MAP2K3: variants seen among roughly 807,000 people sequenced by gnomAD.
MAP2K3 encodes the protein mitogen-activated protein kinase kinase 3.
MAP2K3 carries 30 observed loss-of-function variants against 46.4 expected under a neutral mutation model. That is an observed-to-expected ratio of 0.65 (90% CI 0.48 to 0.88). The LOEUF (loss-of-function observed/expected upper bound fraction) is 0.88, where lower values mean the gene tolerates loss of function less well. Ranked by LOEUF, MAP2K3 falls within the 40% of genes least tolerant of loss-of-function variation. MAP2K3 has a pLI of 0.00. For synonymous variants in MAP2K3, 189 were observed against 176.3 expected, an observed-to-expected ratio of 1.07 and a Z score of -0.57; for missense variants, 380 against 464.5, an observed-to-expected ratio of 0.82 and a Z score of 1.67.
intron 1 of MAP2K3, among the ~76,000 whole-genome samples, chr17:21,290,722 G>A (rs1402910290): frequency 6.6e-6 from 1 of 152,312 alleles, no homozygotes; most frequent in Non-Finnish European, 1.5e-5. Context: ...GGCCGAGACA[G>A]GAGGATCATT....
intron 1 of MAP2K3, among the ~76,000 whole-genome samples, chr17:21,297,714 GGT>G (rs1299845652): frequency 8.9e-5 from 3 of 33,648 alleles, no homozygotes; most frequent in African/African-American, 3.4e-4. Context: ...CAGCCTGAGA[GGT>G]GTGGACACTG....
chr17:21,294,660 C>T (rs1976138960), intron 1 of MAP2K3, among the ~76,000 whole-genome samples: 1 of 152,312 alleles, frequency 6.6e-6, no homozygotes, highest in Non-Finnish European at 1.5e-5. Context: ...AAGTGAACCT[C>T]CCCTACTCCC....
At chr17:21,298,765 C>A in intron 2 of MAP2K3, 113 bp from the exon 3 acceptor site, 3 of 1,516,930 alleles carry the variant, frequency 2.0e-6, no homozygotes, top group Admixed American at 1.7e-5. Context: ...AAGGCGCCTC[C>A]GGGGCAGGAG....
chr17:21,291,634 A>G (rs1306766789), intron 1 of MAP2K3: 5 of 455,480 alleles, frequency 1.1e-5, no homozygotes, highest in African/African-American at 6.0e-5. Flanking sequence ...AAGCCTGAGC[A>G]TGGGGCCTGC....
chr17:21,292,824 C>T (rs1172371671), intron 1 of MAP2K3, among the ~76,000 whole-genome samples: 1 of 152,310 alleles, frequency 6.6e-6, no homozygotes, highest in East Asian at 1.9e-4. Context: ...TGTACTCCTG[C>T]TGCTCTTGGC....
intron 1 of MAP2K3, among the ~76,000 whole-genome samples, chr17:21,297,658 C>T (rs539887831): frequency 2.9e-3 from 438 of 152,220 alleles, no homozygotes; most frequent in African/African-American, 9.0e-3. Flanking sequence ...GCTGACCCTC[C>T]GTTAGTACCA....
chr17:21,292,512 A>C (rs1479674342), intron 1 of MAP2K3, among the ~76,000 whole-genome samples: 2 of 152,282 alleles, frequency 1.3e-5, no homozygotes, highest in African/African-American at 4.8e-5. Flanking sequence ...ACGCACCACC[A>C]CGCCCACTAC....
At chr17:21,303,099 A>C (rs1976696432) in intron 6 of MAP2K3, 84 bp from the exon 7 acceptor site, 1 of 1,567,086 alleles carries the variant, frequency 6.4e-7, no homozygotes, top group Non-Finnish European at 8.7e-7. Flanking sequence ...GTGGACATGG[A>C]TGGGGTCTTA....
At chr17:21,307,199 A>AC (rs1976931742) in intron 9 of MAP2K3, among the ~76,000 whole-genome samples, 1 of 152,210 alleles carries the variant, frequency 6.6e-6, no homozygotes, top group Non-Finnish European at 1.5e-5. Flanking sequence ...GAGCAGCCCC[A>AC]TCTGAGGCTG....
At chr17:21,298,722 T>C (rs893457965) in intron 2 of MAP2K3, among the ~76,000 whole-genome samples, 156 bp from the exon 3 acceptor site, 36 of 152,406 alleles carry the variant, frequency 2.4e-4, no homozygotes, top group Non-Finnish European at 2.8e-4. Flanking sequence ...TCAGTGTAGA[T>C]GCTCAGCAGC....
intron 11 of MAP2K3, chr17:21,313,822 T>G (rs1977282099): frequency 1.7e-6 from 1 of 573,472 alleles, no homozygotes; most frequent in South Asian, 2.1e-5. Context: ...GGAGGTACCA[T>G]TTGAACTGAG....
At chr17:21,304,107 A>G (rs1407767430) in intron 7 of MAP2K3, among the ~76,000 whole-genome samples, 2 of 152,424 alleles carry the variant, frequency 1.3e-5, no homozygotes, top group Admixed American at 6.5e-5. Flanking sequence ...ACTGGACCTC[A>G]TGTCTGGAGG....
intron 6 of MAP2K3, 127 bp from the exon 7 acceptor site, chr17:21,303,056 G>A (rs1379648385): frequency 2.4e-6 from 3 of 1,236,644 alleles, no homozygotes; most frequent in Admixed American, 2.0e-5. Context: ...GGATGAGAGG[G>A]TGCGTAGCCT....
At chr17:21,303,701 A>G (rs1195883320) in intron 7 of MAP2K3, among the ~76,000 whole-genome samples, 2 of 152,312 alleles carry the variant, frequency 1.3e-5, no homozygotes, top group Non-Finnish European at 2.9e-5. Flanking sequence ...GCCTCGCTTG[A>G]TGTTTCTGGA....
intron 1 of MAP2K3, among the ~76,000 whole-genome samples, chr17:21,296,554 C>T (rs974262197): frequency 2.0e-5 from 3 of 152,310 alleles, no homozygotes; most frequent in Non-Finnish European, 2.9e-5. Context: ...CTGTTGGGGT[C>T]TGCGAGTCAA....
Position 21,314,430 on chromosome 17 carries a change from G to A in MAP2K3, c.*200G>A. 1 of 583,828 alleles carries A rather than the reference G, an allele frequency of 1.7e-6. No individual in the cohort carries two copies. Among genetic ancestry groups the A allele is most frequent in the Non-Finnish European group, 3.1e-6 (1 of 325,606 alleles). 36.2% of individuals were successfully genotyped at this position (583,828 alleles called of 1,614,324 possible). On this transcript the variant is annotated 3_prime_UTR_variant, in exon 12 of 12. Coordinates refer to ENST00000342679, the MANE Select transcript of MAP2K3 (RefSeq NM_145109.3). ...AGCAGACCATTGGGGCTCCCAGCCA[G>A]GCCCTTGTCGGCCCCACCAGTGCCT...
At chr17:21,303,419 C>T (rs1976716866) in intron 7 of MAP2K3, among the ~76,000 whole-genome samples, 185 bp downstream of exon 7, 2 of 152,312 alleles carry the variant, frequency 1.3e-5, no homozygotes, top group Non-Finnish European at 2.9e-5. Flanking sequence ...TTTGCTGGTG[C>T]TCGAAGCAAG....
At chr17:21,308,769 C>T (rs1040478192) in intron 9 of MAP2K3, among the ~76,000 whole-genome samples, 1 of 152,194 alleles carries the variant, frequency 6.6e-6, no homozygotes, top group Non-Finnish European at 1.5e-5. Flanking sequence ...TCATGACTAC[C>T]TCACACATAC....
chr17:21,290,752 C>T (rs1193646555), intron 1 of MAP2K3, among the ~76,000 whole-genome samples: 2 of 152,300 alleles, frequency 1.3e-5, no homozygotes, highest in African/African-American at 4.8e-5. Context: ...GAGTTCACAA[C>T]CAGCCTGGGC....
Sources: gnomAD v4.1 joint callset for allele counts (sites outside exome capture counted in the v4.1 genomes callset) on GRCh38, gnomAD v4.1.1 for gene constraint, MANE v1.5 for transcripts, NCBI Gene and HGNC (gene_info 2026-07-23, HGNC 2026-07-21) for gene names.